Variants in MYZAP observed in about 807,000 individuals in gnomAD.
MYZAP encodes myocardial zonula adherens protein.
Under a neutral mutation model 69.4 loss-of-function variants are expected in MYZAP, and 66 were observed. That is an observed-to-expected ratio of 0.95 (90% confidence interval 0.78 to 1.17). MYZAP has a LOEUF of 1.17. Ranked by LOEUF, MYZAP falls within the 50% of genes most tolerant of loss-of-function variation. The pLI is 0.00. For missense variants in MYZAP, 611 were observed against 556.2 expected, an observed-to-expected ratio of 1.10 and a Z score of -0.99; for synonymous variants, 256 against 205.9, an observed-to-expected ratio of 1.24 and a Z score of -2.09.
intron 10 of MYZAP, among the ~76,000 whole-genome samples, chr15:57,640,024 C>T (rs67702469): frequency 0.074 from 11,312 of 152,154 alleles, 501 homozygotes; most frequent in Middle Eastern, 0.12. Flanking sequence ...CTCCCTCCTT[C>T]CTCGTTCTCT....
chr15:57,622,092 G>C (rs1257435457), intron 4 of MYZAP, among the ~76,000 whole-genome samples: 1 of 152,084 alleles, frequency 6.6e-6, no homozygotes, highest in Non-Finnish European at 1.5e-5. Context: ...AAGCTCAAGT[G>C]AACATGAAAT....
At chr15:57,652,753 T>A (rs2037792723) in intron 10 of MYZAP, among the ~76,000 whole-genome samples, 1 of 152,174 alleles carries the variant, frequency 6.6e-6, no homozygotes, top group African/African-American at 2.4e-5. Context: ...TAGAAGGTTC[T>A]GTCCCTGACC....
intron 12 of MYZAP, among the ~76,000 whole-genome samples, chr15:57,681,940 C>G (rs1367554442): frequency 6.6e-6 from 1 of 152,114 alleles, no homozygotes; most frequent in Non-Finnish European, 1.5e-5. Context: ...TCCTCTATCA[C>G]CTGGTGAATG....
intron 5 of MYZAP, 51 bp from the exon 6 acceptor site, chr15:57,629,651 T>C (rs1367718733): frequency 6.3e-7 from 1 of 1,590,134 alleles, no homozygotes. Context: ...GTGCAGCCCA[T>C]GTGTTTTCAC....
intron 2 of MYZAP, among the ~76,000 whole-genome samples, chr15:57,607,061 G>A (rs1409468012): frequency 1.3e-5 from 2 of 152,212 alleles, no homozygotes; most frequent in African/African-American, 2.4e-5. Flanking sequence ...AGAGCTAATG[G>A]CTTGGTCCAA....
At chr15:57,611,676 G>GT (rs1201718184) in intron 2 of MYZAP, among the ~76,000 whole-genome samples, 1 of 151,982 alleles carries the variant, frequency 6.6e-6, no homozygotes, top group Admixed American at 6.5e-5. Flanking sequence ...TTTCTCCTGA[G>GT]TTTACTTAGG....
At chr15:57,637,839 C>A in intron 9 of MYZAP, 65 bp downstream of exon 9, 2 of 1,463,324 alleles carry the variant, frequency 1.4e-6, no homozygotes, top group Non-Finnish European at 1.9e-6. Context: ...TTTTTATGAC[C>A]TCATTTGACC....
chr15:57,617,773 A>T (rs1030305049), intron 2 of MYZAP, among the ~76,000 whole-genome samples: 4 of 152,172 alleles, frequency 2.6e-5, no homozygotes, highest in Admixed American at 6.5e-5. Context: ...TCTTTGTGGG[A>T]ATTACTCTTA....
intron 4 of MYZAP, among the ~76,000 whole-genome samples, chr15:57,624,073 A>G (rs1483275154): frequency 2.0e-5 from 3 of 152,218 alleles, no homozygotes; most frequent in African/African-American, 7.2e-5. Flanking sequence ...AAAATATAAA[A>G]GTAACTTTAT....
At chr15:57,595,921 C>T (rs895646772) in intron 1 of MYZAP, among the ~76,000 whole-genome samples, 1 of 152,200 alleles carries the variant, frequency 6.6e-6, no homozygotes. Context: ...TGTCCCATTG[C>T]TGCCTGACTG....
chr15:57,604,522 G>C (rs1253568750), intron 2 of MYZAP, among the ~76,000 whole-genome samples, 167 bp downstream of exon 2: 2 of 152,108 alleles, frequency 1.3e-5, no homozygotes, highest in African/African-American at 2.4e-5. Context: ...CCAGAAGACA[G>C]AGAGCTCTCC....
At chr15:57,658,562 T>G (rs2038119912) in intron 10 of MYZAP, among the ~76,000 whole-genome samples, 1 of 152,222 alleles carries the variant, frequency 6.6e-6, no homozygotes, top group Non-Finnish European at 1.5e-5. Flanking sequence ...TCAGTTGTCT[T>G]GTAAAAATGT....
chr15:57,611,779 A>G (rs901031447), intron 2 of MYZAP, among the ~76,000 whole-genome samples: 5 of 152,134 alleles, frequency 3.3e-5, no homozygotes, highest in Non-Finnish European at 7.4e-5. Flanking sequence ...TCCAGGCTGG[A>G]AAGCAGTGGC....
At chr15:57,657,227 T>C (rs2038052641) in intron 10 of MYZAP, among the ~76,000 whole-genome samples, 1 of 152,210 alleles carries the variant, frequency 6.6e-6, no homozygotes, top group Non-Finnish European at 1.5e-5. Context: ...ACTTTTTACA[T>C]CATTTGATTA....
At chr15:57,647,763 C>T (rs942226821) in intron 10 of MYZAP, 5 of 985,416 alleles carry the variant, frequency 5.1e-6, no homozygotes, top group South Asian at 4.7e-5. Flanking sequence ...GTCCTAGGCT[C>T]ATTGTTGATC....
chr15:57,632,410 G>C (rs373928212), intron 6 of MYZAP, 24 bp from the exon 7 acceptor site: 1 of 1,613,696 alleles, frequency 6.2e-7, no homozygotes, highest in Admixed American at 1.7e-5. Context: ...AAAAGCTGTC[G>C]TTCTGAAATG....
intron 4 of MYZAP, among the ~76,000 whole-genome samples, chr15:57,625,091 G>A (rs139776784): frequency 0.014 from 2,180 of 150,430 alleles, 29 homozygotes; most frequent in South Asian, 0.043. Context: ...GAGTTTCGCT[G>A]TTGTCACCCA....
intron 10 of MYZAP, among the ~76,000 whole-genome samples, 176 bp downstream of exon 10, chr15:57,639,721 G>A (rs773414561): frequency 6.6e-6 from 1 of 152,204 alleles, no homozygotes; most frequent in Non-Finnish European, 1.5e-5. Flanking sequence ...GACTGATGAC[G>A]ATGATGCCCC....
intron 11 of MYZAP, among the ~76,000 whole-genome samples, chr15:57,674,137 TA>T (rs1235691812): frequency 2.0e-5 from 3 of 151,020 alleles, no homozygotes; most frequent in Admixed American, 6.6e-5. Context: ...TCTTTCTGAA[TA>T]TTTTTTTTTT....
Sources: allele counts gnomAD v4.1 joint callset (sites outside exome capture counted in the v4.1 genomes callset), GRCh38; gene constraint gnomAD v4.1.1; transcripts MANE v1.5; gene names NCBI Gene and HGNC (gene_info 2026-07-23, HGNC 2026-07-21).